The following ZNF704 variants were observed in gnomAD, a reference collection of about 807,000 sequenced individuals.
The protein encoded by ZNF704 is glucocorticoid induced gene 1.
A neutral mutation model predicts 44.7 loss-of-function variants in ZNF704; 10 were observed. That is an observed-to-expected ratio of 0.22 (90% CI 0.14 to 0.38). The LOEUF is 0.38. Among genes scored for constraint, ZNF704 ranks in the 10% least tolerant of loss-of-function variants. The probability of loss-of-function intolerance (pLI) is 1.00; values close to 1 mark genes in which losing one functional copy is unlikely to be tolerated. For synonymous variants in ZNF704, 211 were observed against 207.6 expected (o/e 1.02, Z -0.14); for missense variants, 390 against 545.5 (o/e 0.71, Z 2.84).
At chr8:80,671,547 C>T (rs1818278384) in intron 4 of ZNF704, among the ~76,000 whole-genome samples, 1 of 152,142 alleles carries the variant, frequency 6.6e-6, no homozygotes, top group Admixed American at 6.5e-5. Flanking sequence ...CCAACAGCAG[C>T]TATTACAGGA....
intron 2 of ZNF704, among the ~76,000 whole-genome samples, chr8:80,785,994 A>G (rs1402152485): frequency 1.3e-5 from 2 of 152,114 alleles, no homozygotes; most frequent in African/African-American, 2.4e-5. Flanking sequence ...GTGTGGTGGC[A>G]CACACCTGTA....
chr8:80,857,484 TA>T (rs1808982411), intron 1 of ZNF704, among the ~76,000 whole-genome samples: 1 of 152,184 alleles, frequency 6.6e-6, no homozygotes, highest in African/African-American at 2.4e-5. Flanking sequence ...CATATGGTGT[TA>T]CCCTTTCAAT....
chr8:80,654,252 G>A (rs1318741107), intron 7 of ZNF704, among the ~76,000 whole-genome samples: 2 of 151,922 alleles, frequency 1.3e-5, no homozygotes, highest in African/African-American at 4.8e-5. Context: ...AGAAAACCTA[G>A]GCAGTACCAT....
intron 2 of ZNF704, among the ~76,000 whole-genome samples, chr8:80,714,875 C>T (rs1238740224): frequency 2.0e-5 from 3 of 152,134 alleles, no homozygotes; most frequent in African/African-American, 7.2e-5. Flanking sequence ...ATCACTCTAT[C>T]ACCACTAGTC....
chr8:80,657,992 C>A (rs1818042960), intron 7 of ZNF704, among the ~76,000 whole-genome samples: 1 of 152,018 alleles, frequency 6.6e-6, no homozygotes, highest in African/African-American at 2.4e-5. Context: ...TATAAGGTAT[C>A]CTGGCTGGTA....
intron 1 of ZNF704, among the ~76,000 whole-genome samples, chr8:80,833,803 A>C (rs367641609): frequency 2.0e-5 from 3 of 152,158 alleles, no homozygotes; most frequent in African/African-American, 7.2e-5. Flanking sequence ...GCACTGGTTT[A>C]ATCATAGGGC....
intron 1 of ZNF704, among the ~76,000 whole-genome samples, chr8:80,840,125 C>G (rs1808651957): frequency 6.6e-6 from 1 of 152,094 alleles, no homozygotes; most frequent in Admixed American, 6.5e-5. Flanking sequence ...GGCAATGAGG[C>G]CAGCCTGCAA....
chr8:80,735,371 C>T (rs184711474), intron 2 of ZNF704, among the ~76,000 whole-genome samples: 5 of 152,288 alleles, frequency 3.3e-5, no homozygotes, highest in African/African-American at 1.2e-4. Flanking sequence ...CCATGCTTAT[C>T]GTTCTTTGAA....
chr8:80,869,119 G>A (rs1172952862), intron 1 of ZNF704, among the ~76,000 whole-genome samples: 1 of 152,170 alleles, frequency 6.6e-6, no homozygotes, highest in Admixed American at 6.5e-5. Context: ...CTGACTCGAG[G>A]ATATGTAATG....
chr8:80,828,580 C>G (rs1808418515), intron 1 of ZNF704, among the ~76,000 whole-genome samples: 1 of 152,140 alleles, frequency 6.6e-6, no homozygotes, highest in Non-Finnish European at 1.5e-5. Flanking sequence ...TAAATCTTCA[C>G]TCTCCCATTT....
rs897182295 is a variant in ZNF704, at chr8:80,865,407, G to GAAGT, written c.-22+9160_-22+9163dup. Among the ~76,000 whole-genome samples the GAAGT allele has an allele frequency of 1.5e-4, 23 of 152,188 alleles. 1 individual carries two copies. The highest frequency in any genetic ancestry group is 1.5e-3 in the Admixed American group (23 of 15,290). ...GCCACATCACTTCTTGATCTACAGAGAAGTAACAGTTGGGTGGGGGCAGCT... is the reference window on the plus strand; with the variant it reads ...GCCACATCACTTCTTGATCTACAGAGAAGTAAGTAACAGTTGGGTGGGGGCAGCT... On this transcript the variant is annotated intron_variant, in intron 1 of 8. Coordinates refer to ENST00000327835, the MANE Select transcript of ZNF704 (RefSeq NM_001033723.3).
In ZNF704 at chr8:80,790,991, C is replaced by G. The variant is rs541197934; in HGVS notation, c.221+30383G>C. Among the ~76,000 whole-genome samples, 3 of 152,042 alleles carry G rather than the reference C, an allele frequency of 2.0e-5. No individual in the cohort carries two copies. The South Asian group carries it at 6.2e-4, about 32-fold the overall frequency. ...GAGGGTGAATGAAGGAAGAAAGTGTCCCCAGTATTTTAAAATGCAATATTA... is the reference window on the plus strand; with the variant it reads ...GAGGGTGAATGAAGGAAGAAAGTGTGCCCAGTATTTTAAAATGCAATATTA... On this transcript the variant is annotated intron_variant, in intron 2 of 8. Transcript: ENST00000327835.
intron 2 of ZNF704, among the ~76,000 whole-genome samples, chr8:80,807,695 TTGTATA>T (rs1192394336): frequency 6.6e-6 from 1 of 152,180 alleles, no homozygotes; most frequent in African/African-American, 2.4e-5. Context: ...ATATTCATAT[TTGTATA>T]TGTATATGTA....
intron 5 of ZNF704, 145 bp downstream of exon 5, chr8:80,670,358 G>T: frequency 1.7e-6 from 1 of 593,642 alleles, no homozygotes. Flanking sequence ...ATGATCTGCA[G>T]TGGCCATCTC....
chr8:80,781,716 C>A (rs1265237222), intron 2 of ZNF704, among the ~76,000 whole-genome samples: 1 of 152,162 alleles, frequency 6.6e-6, no homozygotes, highest in African/African-American at 2.4e-5. Flanking sequence ...TAATGTGCCA[C>A]CACATTTACA....
intron 2 of ZNF704, among the ~76,000 whole-genome samples, chr8:80,695,148 G>C (rs1585960147): frequency 6.6e-6 from 1 of 152,240 alleles, no homozygotes; most frequent in East Asian, 1.9e-4. Flanking sequence ...AGAATGCAAA[G>C]CACCTTCAGG....
intron 2 of ZNF704, among the ~76,000 whole-genome samples, chr8:80,698,623 A>C (rs752953903): frequency 6.6e-6 from 1 of 152,206 alleles, no homozygotes; most frequent in Non-Finnish European, 1.5e-5. Context: ...GCCGTGTGGA[A>C]AATGAGTTTC....
chr8:80,853,892 ACG>A (rs1808914412), intron 1 of ZNF704, among the ~76,000 whole-genome samples: 1 of 152,214 alleles, frequency 6.6e-6, no homozygotes, highest in Non-Finnish European at 1.5e-5. Context: ...GAGGTGTGTC[ACG>A]AGGTTAACGG....
chr8:80,743,057 C>T (rs1239710350), intron 2 of ZNF704, among the ~76,000 whole-genome samples: 1 of 151,960 alleles, frequency 6.6e-6, no homozygotes, highest in Admixed American at 6.6e-5. Context: ...CATCTATCGC[C>T]TGCCTGAGAG....
Sources: gnomAD v4.1 joint callset for allele counts (sites outside exome capture counted in the v4.1 genomes callset) on GRCh38, gnomAD v4.1.1 for gene constraint, MANE v1.5 for transcripts, NCBI Gene and HGNC (gene_info 2026-07-23, HGNC 2026-07-21) for gene names.